The following FLI1 variants were observed in gnomAD, a reference collection of about 807,000 sequenced individuals.
The protein encoded by FLI1 is Friend leukemia integration 1 transcription factor.
A neutral mutation model predicts 53.1 loss-of-function variants in FLI1; 13 were observed. That is an observed-to-expected ratio of 0.24 (90% CI 0.16 to 0.39). The LOEUF (loss-of-function observed/expected upper bound fraction) is 0.39. Among genes scored for constraint, FLI1 ranks in the 10% least tolerant of loss-of-function variants. FLI1 has a pLI of 1.00. For synonymous variants in FLI1, 244 were observed against 236.7 expected (o/e 1.03, Z -0.28); for missense variants, 424 against 600.5 (o/e 0.71, Z 3.07).
intron 5 of FLI1, among the ~76,000 whole-genome samples, chr11:128,794,499 CCAGA>C (rs1237600277): frequency 6.6e-6 from 1 of 152,136 alleles, no homozygotes; most frequent in Non-Finnish European, 1.5e-5. Context: ...TTCTTTTGTG[CCAGA>C]CAGAGATCTA....
At chr11:128,776,893 G>T (rs35544057) in intron 4 of FLI1, among the ~76,000 whole-genome samples, 14 of 152,312 alleles carry the variant, frequency 9.2e-5, no homozygotes, top group Non-Finnish European at 1.9e-4. Flanking sequence ...CTCACTCCCG[G>T]CCTTCCACGT....
At chr11:128,731,378 A>T (rs1248586019) in intron 1 of FLI1, among the ~76,000 whole-genome samples, 1 of 152,184 alleles carries the variant, frequency 6.6e-6, no homozygotes, top group Admixed American at 6.5e-5. Context: ...TGCAAAACAC[A>T]CCAGCGAGCC....
chr11:128,811,065 A>T lies in FLI1; in HGVS notation c.*77A>T, dbSNP rs1942925475. 1 of 1,390,094 alleles carries T rather than the reference A, an allele frequency of 7.2e-7. No homozygotes were observed. Among genetic ancestry groups the T allele is most frequent in the African/African-American group, 1.4e-5 (1 of 69,672 alleles). 86.1% of individuals were successfully genotyped at this position (1,390,094 alleles called of 1,614,324 possible). On this transcript the variant is annotated 3_prime_UTR_variant, in exon 9 of 9. Transcript: ENST00000527786. ...GGATGCTTTGGACTCAACAGGACAT[A>T]TGTGGCCTTGAAGGGAAGACAAAAC...
chr11:128,788,570 C>T (rs965547233), intron 5 of FLI1, among the ~76,000 whole-genome samples: 3 of 152,110 alleles, frequency 2.0e-5, no homozygotes, highest in Non-Finnish European at 2.9e-5. Context: ...GCATGCTACA[C>T]ACAAGATATT....
chr11:128,724,286 G>A (rs1939378055), intron 1 of FLI1, among the ~76,000 whole-genome samples: 1 of 152,166 alleles, frequency 6.6e-6, no homozygotes, highest in Non-Finnish European at 1.5e-5. Flanking sequence ...ACCAGACAGG[G>A]TATTCCAGGG....
At chr11:128,752,733 G>A (rs1214345459) in intron 1 of FLI1, among the ~76,000 whole-genome samples, 1 of 152,166 alleles carries the variant, frequency 6.6e-6, no homozygotes, top group Non-Finnish European at 1.5e-5. Context: ...TCATAGAATT[G>A]CCAGGAGGAT....
intron 1 of FLI1, among the ~76,000 whole-genome samples, chr11:128,687,624 G>A (rs556583196): frequency 6.6e-6 from 1 of 152,146 alleles, no homozygotes. Flanking sequence ...GTGAGGCCCA[G>A]CTGAGCTCCC....
chr11:128,728,943 C>T (rs969125626), intron 1 of FLI1, among the ~76,000 whole-genome samples: 2 of 152,240 alleles, frequency 1.3e-5, no homozygotes, highest in Non-Finnish European at 2.9e-5. Context: ...CACCCTTCTG[C>T]CTGATGTTCT....
At chr11:128,724,419 T>G (rs560545931) in intron 1 of FLI1, among the ~76,000 whole-genome samples, 1 of 152,192 alleles carries the variant, frequency 6.6e-6, no homozygotes, top group Admixed American at 6.5e-5. Context: ...GAAAGCCTAT[T>G]GTGCCAGGCT....
chr11:128,712,608 C>T (rs930738297), intron 1 of FLI1, among the ~76,000 whole-genome samples: 3 of 152,118 alleles, frequency 2.0e-5, no homozygotes, highest in Admixed American at 6.5e-5. Context: ...GAAAGTCACA[C>T]CTTACACGGA....
In FLI1 at chr11:128,708,380, C is replaced by T. The variant is rs967790445; in HGVS notation, c.18+14104C>T. ...GGTTGTCTGCTATTAGAGCAAGCCT[C>T]GTTCTCCACCTCCTTTAAAAACTTT... On this transcript the variant is annotated intron_variant, in intron 1 of 8. Coordinates refer to ENST00000527786, the MANE Select transcript of FLI1 (RefSeq NM_002017.5). 4.6e-5 allele frequency among the ~76,000 whole-genome samples: 7 copies of T among 152,292 alleles called. No homozygotes were observed. The Middle Eastern group carries it at 0.01, about 222-fold the overall frequency.
chr11:128,748,297 GA>G, intron 1 of FLI1: 1 of 975,934 alleles, frequency 1.0e-6, no homozygotes, highest in African/African-American at 1.8e-5. Context: ...AATTGTAAGT[GA>G]AAGGGGAAAG....
chr11:128,797,401 C>A (rs1390267834), intron 5 of FLI1, among the ~76,000 whole-genome samples: 1 of 152,164 alleles, frequency 6.6e-6, no homozygotes, highest in Non-Finnish European at 1.5e-5. Context: ...CAATGTCAGC[C>A]AATCTGTCAC....
rs767846870 is a variant in FLI1 at position 128,772,813 on chromosome 11, G to T, written c.417G>T (p.Arg139Ser). Residue 139 changes from arginine (R) to serine (S), a missense_variant, in exon 4 of 9, where the codon AGG becomes AGT. Coordinates refer to ENST00000527786, the MANE Select transcript of FLI1 (RefSeq NM_002017.5). ...DPTLWTQEHV[R>S]QWLEWAIKEY... is the part of the protein sequence containing the mutation. Reference sequence around the variant, plus strand: ...CACTGTGGACACAGGAGCATGTGAGGCAATGGCTGGAGTGGGCCATAAAGG... The same window carrying T: ...CACTGTGGACACAGGAGCATGTGAGTCAATGGCTGGAGTGGGCCATAAAGG... 6.2e-7 allele frequency: 1 copy of T among 1,614,046 alleles called. No homozygotes were observed. Among genetic ancestry groups the T allele is most frequent in the Non-Finnish European group, 8.5e-7 (1 of 1,179,876 alleles).
At chr11:128,736,121 A>G (rs904375046) in intron 1 of FLI1, among the ~76,000 whole-genome samples, 5 of 152,168 alleles carry the variant, frequency 3.3e-5, no homozygotes, top group African/African-American at 1.2e-4. Context: ...TAAACAGGAA[A>G]TGCAAGCTAC....
chr11:128,775,544 G>T (rs1276592711), intron 4 of FLI1, among the ~76,000 whole-genome samples: 1 of 152,236 alleles, frequency 6.6e-6, no homozygotes, highest in African/African-American at 2.4e-5. Context: ...CTAAGCGCCT[G>T]CAGGAGGCCA....
At chr11:128,720,748 C>A (rs192490629) in intron 1 of FLI1, among the ~76,000 whole-genome samples, 9 of 152,312 alleles carry the variant, frequency 5.9e-5, no homozygotes, top group Admixed American at 4.6e-4. Flanking sequence ...TGTCAGACTC[C>A]GCGGGCCCTG....
At chr11:128,750,664 T>C (rs1940605707) in intron 1 of FLI1, among the ~76,000 whole-genome samples, 1 of 152,216 alleles carries the variant, frequency 6.6e-6, no homozygotes, top group African/African-American at 2.4e-5. Context: ...GGTTTGCTCA[T>C]CGTTCATATC....
intron 2 of FLI1, among the ~76,000 whole-genome samples, chr11:128,766,360 T>C (rs1409608917): frequency 6.6e-6 from 1 of 152,218 alleles, no homozygotes; most frequent in Non-Finnish European, 1.5e-5. Flanking sequence ...TGGTTTTTGG[T>C]TCTCTGCCTG....
Sources: gnomAD v4.1 joint callset for allele counts (sites outside exome capture counted in the v4.1 genomes callset) on GRCh38, gnomAD v4.1.1 for gene constraint, MANE v1.5 for transcripts, NCBI Gene and HGNC (gene_info 2026-07-23, HGNC 2026-07-21) for gene names.